The following LYZL6 variants were observed in gnomAD, a reference collection of about 807,000 sequenced individuals.
LYZL6 encodes the protein lysozyme-like protein 6.
LYZL6 carries 21 observed loss-of-function variants against 15.0 expected under a neutral mutation model. The ratio of observed to expected loss-of-function variants is 1.40; its 90% CI spans 1.00 to 2.02. LYZL6 has a LOEUF of 2.02. LYZL6 is among the 30% of genes most tolerant of loss of function. The pLI, the probability that LYZL6 is intolerant of heterozygous loss-of-function variation, is 0.00. For missense variants in LYZL6, 173 were observed against 180.5 expected, an observed-to-expected ratio of 0.96 and a Z score of 0.24; for synonymous variants, 72 against 67.8, an observed-to-expected ratio of 1.06 and a Z score of -0.31.
intron 2 of LYZL6, among the ~76,000 whole-genome samples, chr17:35,938,187 T>A (rs189459725): frequency 6.6e-6 from 1 of 152,312 alleles, no homozygotes. Context: ...CAAAGCCTAG[T>A]GAGGGACATT....
intron 2 of LYZL6, among the ~76,000 whole-genome samples, chr17:35,938,568 A>G (rs1284580867): frequency 1.3e-5 from 2 of 151,564 alleles, no homozygotes; most frequent in Admixed American, 1.3e-4. Flanking sequence ...CAGTGAGCCA[A>G]GATCGCGCCA....
At chr17:35,936,068 GC>G (rs1248288361) in intron 4 of LYZL6, among the ~76,000 whole-genome samples, 1 of 152,190 alleles carries the variant, frequency 6.6e-6, no homozygotes, top group Non-Finnish European at 1.5e-5. Context: ...ACCTGCCTCA[GC>G]CTCCCAAGGT....
At chr17:35,937,440 G>A (rs1437569093) in intron 3 of LYZL6, among the ~76,000 whole-genome samples, 1 of 152,258 alleles carries the variant, frequency 6.6e-6, no homozygotes, top group African/African-American at 2.4e-5. Flanking sequence ...TCTACTGCAT[G>A]AAAGTTGGAT....
At chr17:35,941,518 T>C (rs971903791) in intron 1 of LYZL6, among the ~76,000 whole-genome samples, 1 of 152,200 alleles carries the variant, frequency 6.6e-6, no homozygotes, top group Non-Finnish European at 1.5e-5. Context: ...ATTTGTCCTT[T>C]TGTTGGGTGT....
rs2089407967 is a variant in LYZL6 at position 35,939,448 on chromosome 17, G to T, written c.-92C>A. ...CTTCTCTGAGAGCCTGGGGAATCTGGAGAGGGCAGCCAGGTTTCCTTACTC... is the reference window on the plus strand; with the variant it reads ...CTTCTCTGAGAGCCTGGGGAATCTGTAGAGGGCAGCCAGGTTTCCTTACTC... On this transcript the variant is annotated 5_prime_UTR_variant, in exon 2 of 5. Coordinates refer to ENST00000615905, the MANE Select transcript of LYZL6 (RefSeq NM_020426.4). 7.3e-7 allele frequency: 1 copy of T among 1,373,196 alleles called. No homozygotes were observed. The highest frequency in any genetic ancestry group is 1.0e-6 in the Non-Finnish European group (1 of 994,748). The allele number at this position is 1,373,196 out of a possible 1,614,324, so 85.1% of individuals were successfully genotyped here.
At position 35,943,669 on chromosome 17, in the gene LYZL6, C is replaced by G. The variant is rs1329056540; in HGVS notation, c.-305G>C. On this transcript the variant is annotated 5_prime_UTR_variant, in exon 1 of 5. Transcript: ENST00000615905. ...TACAGTAGGAGCCTCTTCTTCCTCACCACATACACTTCAGCCCTGCCCAAC... is the reference window on the plus strand; with the variant it reads ...TACAGTAGGAGCCTCTTCTTCCTCAGCACATACACTTCAGCCCTGCCCAAC... 6.6e-6 allele frequency: 1 copy of G among 152,256 alleles called. No individual in the cohort carries two copies. The highest frequency in any genetic ancestry group is 1.9e-4 in the East Asian group (1 of 5,190). The allele number at this position is 152,256 out of a possible 1,614,324, so 9.4% of individuals were successfully genotyped here.
intron 3 of LYZL6, among the ~76,000 whole-genome samples, chr17:35,937,420 AT>A (rs1254641972): frequency 4.6e-5 from 7 of 152,264 alleles, no homozygotes; most frequent in African/African-American, 1.7e-4. Flanking sequence ...AGTAGGGATC[AT>A]AAATGGTTTC....
chr17:35,936,637 C>T (rs1438710798), intron 4 of LYZL6, 118 bp downstream of exon 4: 10 of 778,008 alleles, frequency 1.3e-5, no homozygotes, highest in Non-Finnish European at 2.0e-5. Flanking sequence ...CGTCCGCTAT[C>T]CCACATCTTT....
At chr17:35,938,616 TAAA>T (rs11434843) in intron 2 of LYZL6, among the ~76,000 whole-genome samples, 1 of 101,774 alleles carries the variant, frequency 9.8e-6, no homozygotes. Flanking sequence ...AGACTCTGTC[TAAA>T]AAAAAAAAAA....
chr17:35,936,009 T>G (rs1184918259), intron 4 of LYZL6, among the ~76,000 whole-genome samples: 2 of 151,324 alleles, frequency 1.3e-5, no homozygotes, highest in African/African-American at 4.9e-5. Flanking sequence ...GAGACGGGGC[T>G]TCACCATGTT....
chr17:35,936,393 C>T (rs1449758202), intron 4 of LYZL6, among the ~76,000 whole-genome samples: 1 of 152,214 alleles, frequency 6.6e-6, no homozygotes, highest in Non-Finnish European at 1.5e-5. Context: ...AGAAGTGAAG[C>T]AAATGCACCA....
chr17:35,936,856 C>A, intron 3 of LYZL6, 23 bp from the exon 4 acceptor site: 1 of 1,604,984 alleles, frequency 6.2e-7, no homozygotes, highest in Non-Finnish European at 8.5e-7. Flanking sequence ...AAGAGAAAAC[C>A]TGTGAGGGCA....
At chr17:35,934,899 A>G in intron 4 of LYZL6, 34 bp from the exon 5 acceptor site, 2 of 1,602,716 alleles carry the variant, frequency 1.2e-6, no homozygotes, top group Non-Finnish European at 1.7e-6. Context: ...CTTGCCTCAC[A>G]CTCAGTAACT....
At chr17:35,936,910 G>T in intron 3 of LYZL6, 77 bp from the exon 4 acceptor site, 3 of 1,316,696 alleles carry the variant, frequency 2.3e-6, no homozygotes, top group Non-Finnish European at 3.3e-6. Context: ...AGCCCTCCCT[G>T]GACAGCCCTA....
At chr17:35,934,911 T>G in intron 4 of LYZL6, 46 bp from the exon 5 acceptor site, 8 of 1,581,882 alleles carry the variant, frequency 5.1e-6, no homozygotes, top group Non-Finnish European at 6.9e-6. Context: ...TCAGTAACTC[T>G]TCCACACACA....
rs756089285 is a variant in LYZL6, at chr17:35,936,841, G to A, written c.299-8C>T. On this transcript the variant is annotated splice_polypyrimidine_tract_variant and splice_region_variant and intron_variant, in intron 3 of 4. Coordinates refer to ENST00000615905, the MANE Select transcript of LYZL6 (RefSeq NM_020426.4). ...GGTTGGGATTCAGCAGATCTGAAAG[G>A]GAGGAAGAGAAAACCTGTGAGGGCA... The A allele has an allele frequency of 2.3e-5, 37 of 1,612,932 alleles. No homozygotes were observed. Among genetic ancestry groups the A allele is most frequent in the South Asian group, 5.5e-5 (5 of 91,062 alleles).
chr17:35,934,793 G>A lies in LYZL6; in HGVS notation c.*3C>T. On this transcript the variant is annotated 3_prime_UTR_variant, in exon 5 of 5. Coordinates refer to ENST00000615905, the MANE Select transcript of LYZL6 (RefSeq NM_020426.4). ...TGACTCCACGGTGCACCCGCACCCT[G>A]TTTCATCTCAGGCGGCATCCTGTCA... The A allele has an allele frequency of 6.2e-7, 1 of 1,614,114 alleles. No homozygotes were observed. Among genetic ancestry groups the A allele is most frequent in the Non-Finnish European group, 8.5e-7 (1 of 1,179,968 alleles).
In LYZL6 at chr17:35,937,855, G is replaced by A. The variant is rs2280783; in HGVS notation, c.201C>T (p.Asp67=). The A allele has an allele frequency of 0.87, 1,397,904 of 1,614,012 alleles. 605,898 individuals carry two copies. The highest frequency in any genetic ancestry group is 0.92 in the South Asian group (83,782 of 91,074). The stretch of plus-strand genomic sequence containing the variant: ...GGAAGAGGCCATAGTCAAAGCTTCC[G>A]TCTGCATTTTCATTTATCTTTGATA... ...FNISKINENA[D]GSFDYGLFQI... is the part of the protein sequence containing the mutation. The change falls in exon 3 of 5, where the codon GAC becomes GAT. Residue 67 remains aspartate, a synonymous_variant. Transcript: ENST00000615905.
chr17:35,937,648 T>A (rs1053055216), intron 3 of LYZL6, 110 bp downstream of exon 3: 1 of 1,259,218 alleles, frequency 7.9e-7, no homozygotes, highest in Admixed American at 2.3e-5. Context: ...TCCCTGATTT[T>A]TTGAACCATA....
Sources: allele counts gnomAD v4.1 joint callset (sites outside exome capture counted in the v4.1 genomes callset), GRCh38; gene constraint gnomAD v4.1.1; transcripts MANE v1.5; gene names NCBI Gene and HGNC (gene_info 2026-07-23, HGNC 2026-07-21).